Variants in SECISBP2L observed in about 807,000 individuals in gnomAD.
SECISBP2L encodes SECIS binding protein 2 like, also known as selenocysteine insertion sequence-binding protein 2-like.
In SECISBP2L, 43 loss-of-function variants were observed where a neutral mutation model predicts 114.7. The ratio of observed to expected loss-of-function variants is 0.38; its 90% CI spans 0.29 to 0.48. SECISBP2L has a LOEUF of 0.48. Among genes scored for constraint, SECISBP2L ranks in the 20% least tolerant of loss-of-function variants. The pLI, the probability that SECISBP2L is intolerant of heterozygous loss-of-function variation, is 0.98. For missense variants in SECISBP2L, 1,136 were observed against 1,301.1 expected, an observed-to-expected ratio of 0.87 and a Z score of 1.95; for synonymous variants, 451 against 439.7, an observed-to-expected ratio of 1.03 and a Z score of -0.32.
At chr15:49,022,883 A>T (rs1406517111) in intron 7 of SECISBP2L, among the ~76,000 whole-genome samples, 1 of 152,226 alleles carries the variant, frequency 6.6e-6, no homozygotes, top group African/African-American at 2.4e-5. Context: ...TCATATACCA[A>T]GAAAAACTCC....
At chr15:49,017,077 A>G in intron 9 of SECISBP2L, 62 bp from the exon 10 acceptor site, 1 of 1,529,492 alleles carries the variant, frequency 6.5e-7, no homozygotes, top group Non-Finnish European at 8.9e-7. Flanking sequence ...ATAAGGAAAA[A>G]GGATCCAGAA....
chr15:48,993,492 G>A (rs1449467640), intron 17 of SECISBP2L, among the ~76,000 whole-genome samples: 3 of 151,950 alleles, frequency 2.0e-5, no homozygotes, highest in Non-Finnish European at 2.9e-5. Flanking sequence ...AGGTGTAATG[G>A]GCTCAAGGAC....
Position 48,993,785 on chromosome 15 carries a change from A to G in SECISBP2L, c.2624-859T>C, listed in dbSNP as rs746135995. ...GACAAACTAAATTATTTCTCATGATAGGAAATCAGTTGAAGGCAAAAAAAG... is the reference window on the plus strand; with the variant it reads ...GACAAACTAAATTATTTCTCATGATGGGAAATCAGTTGAAGGCAAAAAAAG... On this transcript the variant is annotated intron_variant, in intron 17 of 17. Transcript: ENST00000559471. Among the ~76,000 whole-genome samples the G allele has an allele frequency of 7.3e-4, 111 of 152,106 alleles. 2 individuals carry two copies. The highest frequency in any genetic ancestry group is 1.6e-4 in the Non-Finnish European group (11 of 68,028).
intron 1 of SECISBP2L, among the ~76,000 whole-genome samples, chr15:49,043,770 T>C (rs1355498357): frequency 6.6e-6 from 1 of 152,106 alleles, no homozygotes; most frequent in African/African-American, 2.4e-5. Context: ...GATTTTCTTC[T>C]AGTTATAACA....
chr15:48,998,181 C>T (rs779537259), intron 16 of SECISBP2L, among the ~76,000 whole-genome samples: 23 of 152,096 alleles, frequency 1.5e-4, no homozygotes, highest in Non-Finnish European at 3.1e-4. Context: ...TGCTACATTG[C>T]TGTAGAATAA....
chr15:48,992,275 G>C lies in SECISBP2L; in HGVS notation c.3275C>G (p.Ser1092Cys), dbSNP rs1901994543. The C allele has an allele frequency of 6.2e-7, 1 of 1,610,674 alleles. No individual in the cohort carries two copies. Among genetic ancestry groups the C allele is most frequent in the Non-Finnish European group, 8.5e-7 (1 of 1,178,600 alleles). Reference sequence around the variant, plus strand: ...AGTTTGCGTTGTGTAATTAGAATCAGAGTGCTCTTTGTTGAGCGAGCTGCA... The same window carrying C: ...AGTTTGCGTTGTGTAATTAGAATCACAGTGCTCTTTGTTGAGCGAGCTGCA... The part of the protein sequence containing the change: ...SNCSSLNKEH[S>C]DSNYTTQTT The change falls in exon 18 of 18, where the codon TCT becomes TGT. Residue 1092 changes from serine to cysteine, a missense_variant. Ser to Cys is a moderately radical substitution (Grantham distance 112, BLOSUM62 -1). Around this residue, in one of 2 missense-constraint regions of SECISBP2L, gnomAD observed 684 missense variants for 848.7 expected, o/e 0.81. Coordinates refer to ENST00000559471, the MANE Select transcript of SECISBP2L (RefSeq NM_001193489.2).
rs188787776 is a variant in SECISBP2L at position 48,990,555 on chromosome 15, A to G, written c.*1689T>C. The G allele has an allele frequency of 7.9e-5, 12 of 152,570 alleles. No homozygotes were observed. The highest frequency in any genetic ancestry group is 2.9e-4 in the African/African-American group (12 of 41,426). 9.5% of individuals were successfully genotyped at this position (152,570 alleles called of 1,614,324 possible). A position where few individuals can be genotyped will look rare whatever the true frequency, so the allele number is the denominator to read the frequency against. On this transcript the variant is annotated 3_prime_UTR_variant, in exon 18 of 18. Coordinates refer to ENST00000559471, the MANE Select transcript of SECISBP2L (RefSeq NM_001193489.2). ...GCACAATAATAAAGTTGATTGACTA[A>G]CATTTTCTACACAGCTCCTGAACTT...
At position 49,037,472 on chromosome 15, in the gene SECISBP2L, T is replaced by C. The variant is rs1055608308; in HGVS notation, c.203+119A>G. On this transcript the variant is annotated intron_variant, in intron 2 of 17. Coordinates refer to ENST00000559471, the MANE Select transcript of SECISBP2L (RefSeq NM_001193489.2). ...TTCCAAATTTCAGTATCATTTTATT[T>C]ACTCCTCTTAATAGAGAAATGGTTA... is the stretch of plus-strand genomic sequence containing the variant. 84 of 823,590 alleles carry C rather than the reference T, an allele frequency of 1.0e-4. 2 individuals are homozygous for C. The South Asian group carries it at 1.1e-3, about 11-fold the overall frequency. 51.0% of individuals were successfully genotyped at this position (823,590 alleles called of 1,614,324 possible).
chr15:48,989,739 G>A lies in SECISBP2L; in HGVS notation c.*2505C>T, dbSNP rs780035877. On this transcript the variant is annotated 3_prime_UTR_variant, in exon 18 of 18. Coordinates refer to ENST00000559471, the MANE Select transcript of SECISBP2L (RefSeq NM_001193489.2). ...AAAATCACTATGTTTTTTATTTCTT[G>A]TGATGATGAACCAACCCTTACTCTT... 6.6e-6 allele frequency: 1 copy of A among 152,094 alleles called. No homozygotes were observed. Among genetic ancestry groups the A allele is most frequent in the Non-Finnish European group, 1.5e-5 (1 of 67,992 alleles). 9.4% of individuals were successfully genotyped at this position (152,094 alleles called of 1,614,324 possible).
chr15:49,002,030 G>A (rs796825409), intron 14 of SECISBP2L: 32 of 151,966 alleles, frequency 2.1e-4, no homozygotes, highest in African/African-American at 7.2e-4. Flanking sequence ...TTGAGGAATC[G>A]ACACACTGTC....
chr15:49,042,591 T>A (rs1903163969), intron 1 of SECISBP2L: 1 of 152,322 alleles, frequency 6.6e-6, no homozygotes, highest in Non-Finnish European at 1.5e-5. Flanking sequence ...GCGATGCCCC[T>A]GCCTTAGCCT....
At chr15:49,037,240 T>C (rs1903027710) in intron 2 of SECISBP2L, among the ~76,000 whole-genome samples, 1 of 116,880 alleles carries the variant, frequency 8.6e-6, no homozygotes. Flanking sequence ...CCAGAGACTA[T>C]CTTGGCAACT....
At chr15:49,040,926 ATAT>A (rs1903115830) in intron 1 of SECISBP2L, among the ~76,000 whole-genome samples, 1 of 151,664 alleles carries the variant, frequency 6.6e-6, no homozygotes, top group South Asian at 2.1e-4. Context: ...TGTTTTAATT[ATAT>A]TATTATACAA....
intron 7 of SECISBP2L, among the ~76,000 whole-genome samples, chr15:49,020,571 G>A (rs1902622133): frequency 6.6e-6 from 1 of 152,000 alleles, no homozygotes; most frequent in African/African-American, 2.4e-5. Flanking sequence ...GCAGTAGTGT[G>A]ATCACAGCTC....
At chr15:49,000,793 G>T in intron 15 of SECISBP2L, 84 bp downstream of exon 15, 1 of 1,119,250 alleles carries the variant, frequency 8.9e-7, no homozygotes, top group Non-Finnish European at 1.3e-6. Context: ...ACTCTGATGA[G>T]AAAGACATAT....
At chr15:48,998,041 A>C (rs2141060333) in intron 16 of SECISBP2L, among the ~76,000 whole-genome samples, 1 of 152,332 alleles carries the variant, frequency 6.6e-6, no homozygotes, top group African/African-American at 2.4e-5. Context: ...TAAATGTCCA[A>C]TTTAGTATCA....
In SECISBP2L at chr15:48,992,420, T is replaced by C; in HGVS notation, c.3130A>G (p.Asn1044Asp). Residue 1044 changes from asparagine (N) to aspartate (D), a missense_variant, in exon 18 of 18, where the codon AAT becomes GAT. Physicochemically the swap from Asn to Asp is conservative, Grantham distance 23 (BLOSUM62 1). This residue lies in a region of SECISBP2L where 684 missense variants were observed against 848.7 expected (regional missense o/e 0.81). Coordinates refer to ENST00000559471, the MANE Select transcript of SECISBP2L (RefSeq NM_001193489.2). ...GKTLNGSEED[N>D]VEQSGEEEAE... is the part of the protein sequence containing the mutation. ...TCCTCTTCTCCACTTTGCTCTACAT[T>C]GTCTTCCTCAGAACCATTAAGGGTT... is the stretch of plus-strand genomic sequence containing the variant. 1 of 1,614,188 alleles carries C rather than the reference T, an allele frequency of 6.2e-7. No homozygotes were observed. Among genetic ancestry groups the C allele is most frequent in the Non-Finnish European group, 8.5e-7 (1 of 1,180,036 alleles).
At position 49,015,805 on chromosome 15, in the gene SECISBP2L, G is replaced by A. The variant is rs954412728; in HGVS notation, c.1561+755C>T. On this transcript the variant is annotated intron_variant, in intron 11 of 17. Coordinates refer to ENST00000559471, the MANE Select transcript of SECISBP2L (RefSeq NM_001193489.2). ...AATTTAAGAGAGCCAGATTACTTGT[G>A]ATTTTTTATTTCAATCTTTGAAAAA... Among the ~76,000 whole-genome samples, 8 of 152,274 alleles carry A rather than the reference G, an allele frequency of 5.3e-5. No homozygotes were observed. In the East Asian group the frequency reaches 1.5e-3, roughly 29 times the overall value.
intron 11 of SECISBP2L, among the ~76,000 whole-genome samples, chr15:49,014,247 C>T (rs1036440585): frequency 3.3e-5 from 5 of 152,154 alleles, no homozygotes; most frequent in African/African-American, 1.2e-4. Context: ...TGTAACATTA[C>T]ACTCCTTTAT....
Sources: gnomAD v4.1 joint callset for allele counts (sites outside exome capture counted in the v4.1 genomes callset) on GRCh38, gnomAD v4.1.1 for gene constraint, gnomAD v4.1.1 regional missense constraint, MANE v1.5 for transcripts, NCBI Gene and HGNC (gene_info 2026-07-23, HGNC 2026-07-21) for gene names.